PMFBP1: variants seen among roughly 807,000 people sequenced by gnomAD.
The protein encoded by PMFBP1 is polyamine-modulated factor 1-binding protein 1.
A neutral mutation model predicts 137.8 loss-of-function variants in PMFBP1; 131 were observed. The ratio of observed to expected loss-of-function variants is 0.95; its 90% CI spans 0.82 to 1.10. The LOEUF (loss-of-function observed/expected upper bound fraction) is 1.10. Ranked by LOEUF, PMFBP1 falls within the 50% of genes least tolerant of loss-of-function variation. PMFBP1 has a pLI of 0.00. For missense variants in PMFBP1, 1,199 were observed against 1,175.4 expected (o/e 1.02, Z -0.29); for synonymous variants, 490 against 450.4 (o/e 1.09, Z -1.11).
At position 72,153,957 on chromosome 16, in the gene PMFBP1, CACACAT is replaced by C. The variant is rs766436676; in HGVS notation, c.414+248_414+253del. 3.1e-4 allele frequency among the ~76,000 whole-genome samples: 43 copies of C among 137,758 alleles called. No homozygotes were observed. In the East Asian group the frequency reaches 3.4e-3, roughly 11 times the overall value. The allele number at this position is 137,758 out of a possible 152,430, so 90.4% of individuals were successfully genotyped here. A position where few individuals can be genotyped will look rare whatever the true frequency, so the allele number is the denominator to read the frequency against. On this transcript the variant is annotated intron_variant, in intron 4 of 20. Coordinates refer to ENST00000237353, the MANE Select transcript of PMFBP1 (RefSeq NM_031293.3). ...ACACACACACACACACACACACACA[CACACAT>C]GCCTGCACACACACTCCACATATTC...
chr16:72,154,887 G>C (rs1193652648), intron 3 of PMFBP1, among the ~76,000 whole-genome samples: 2 of 152,156 alleles, frequency 1.3e-5, no homozygotes, highest in African/African-American at 4.8e-5. Flanking sequence ...GCATTGCAAT[G>C]AGTCAAGGGT....
At chr16:72,147,576 C>T (rs953103841) in intron 5 of PMFBP1, among the ~76,000 whole-genome samples, 13 of 152,028 alleles carry the variant, frequency 8.6e-5, no homozygotes, top group East Asian at 7.7e-4. Flanking sequence ...CTATCAGAGG[C>T]GTGAACAGGC....
rs140858241 is a variant in PMFBP1, at chr16:72,162,101, T to A, written c.165+2663A>T. 3.1e-3 allele frequency among the ~76,000 whole-genome samples: 479 copies of A among 152,334 alleles called. 3 individuals carry two copies. Among genetic ancestry groups the A allele is most frequent in the Middle Eastern group, 0.01 (3 of 294 alleles). ...CCTTTCTTTTCTGGTTTGATCATTTTATTATGATGTCTCTGTTGTTCTTTT... is the reference window on the plus strand; with the variant it reads ...CCTTTCTTTTCTGGTTTGATCATTTAATTATGATGTCTCTGTTGTTCTTTT... On this transcript the variant is annotated intron_variant, in intron 3 of 20. Transcript: ENST00000237353.
the PMFBP1 span, among the ~76,000 whole-genome samples, chr16:72,183,426 G>C: frequency 6.6e-6 from 1 of 152,270 alleles, no homozygotes; most frequent in South Asian, 2.1e-4. Flanking sequence ...CTGGCAGTTT[G>C]CTGGCCACCT....
intron 5 of PMFBP1, among the ~76,000 whole-genome samples, chr16:72,148,930 T>C (rs1260092983): frequency 6.6e-6 from 1 of 152,208 alleles, no homozygotes; most frequent in Non-Finnish European, 1.5e-5. Context: ...GATGATGACA[T>C]GGAGGCTTAA....
At chr16:72,120,649 T>C (rs2042364657) in intron 19 of PMFBP1, among the ~76,000 whole-genome samples, 1 of 152,184 alleles carries the variant, frequency 6.6e-6, no homozygotes. Flanking sequence ...GGCTGCCACG[T>C]AGAGGAGAGG....
At chr16:72,197,152 G>T in the PMFBP1 span, among the ~76,000 whole-genome samples, 1 of 152,180 alleles carries the variant, frequency 6.6e-6, no homozygotes, top group African/African-American at 2.4e-5. Context: ...TGCAAAAGAA[G>T]ATCATGGAGA....
chr16:72,172,984 G>A (rs145064656), upstream of PMFBP1, among the ~76,000 whole-genome samples: 64 of 152,260 alleles, frequency 4.2e-4, no homozygotes, highest in Admixed American at 2.0e-4. Context: ...CTGTACTGGC[G>A]AACTCACAAA....
At chr16:72,199,303 A>G in the PMFBP1 span, among the ~76,000 whole-genome samples, 1 of 152,174 alleles carries the variant, frequency 6.6e-6, no homozygotes, top group Non-Finnish European at 1.5e-5. Flanking sequence ...AGCTAAAGTG[A>G]AGACAATGCA....
At chr16:72,215,150 C>T in the PMFBP1 span, among the ~76,000 whole-genome samples, 106 of 152,158 alleles carry the variant, frequency 7.0e-4, no homozygotes, top group African/African-American at 2.4e-3. Flanking sequence ...CAATGCATGT[C>T]TAACAGAAAT....
chr16:72,157,761 A>G (rs2043004350), intron 3 of PMFBP1, among the ~76,000 whole-genome samples: 1 of 152,206 alleles, frequency 6.6e-6, no homozygotes, highest in African/African-American at 2.4e-5. Context: ...GCAGGCAAAG[A>G]CAGAAAGACC....
At chr16:72,162,679 A>G (rs2043082210) in intron 3 of PMFBP1, among the ~76,000 whole-genome samples, 4 of 152,224 alleles carry the variant, frequency 2.6e-5, no homozygotes, top group Non-Finnish European at 4.4e-5. Context: ...GGGAAAAAAG[A>G]GCTCGCTTTA....
the PMFBP1 span, among the ~76,000 whole-genome samples, chr16:72,228,467 C>T: frequency 1.3e-5 from 2 of 152,174 alleles, no homozygotes; most frequent in Admixed American, 6.5e-5. Flanking sequence ...GAAGCCATCC[C>T]TGCTCCAGCC....
At chr16:72,202,203 C>T in the PMFBP1 span, among the ~76,000 whole-genome samples, 1 of 152,288 alleles carries the variant, frequency 6.6e-6, no homozygotes, top group East Asian at 1.9e-4. Context: ...TTTAGACACT[C>T]CTCAGTGTCT....
the PMFBP1 span, among the ~76,000 whole-genome samples, chr16:72,213,222 G>T: frequency 1.3e-5 from 2 of 152,044 alleles, no homozygotes; most frequent in African/African-American, 2.4e-5. Flanking sequence ...AAAGGGTGTG[G>T]TAGGCATTGT....
At chr16:72,182,186 G>A in the PMFBP1 span, among the ~76,000 whole-genome samples, 17 of 152,270 alleles carry the variant, frequency 1.1e-4, no homozygotes, top group Admixed American at 9.2e-4. Flanking sequence ...AGGTATTCTA[G>A]AAGAGAGGTG....
At chr16:72,246,262 C>G in the PMFBP1 span, among the ~76,000 whole-genome samples, 3 of 152,142 alleles carry the variant, frequency 2.0e-5, no homozygotes, top group Non-Finnish European at 4.4e-5. Context: ...GTTCTAAGCT[C>G]AAAGAGGCCT....
intron 3 of PMFBP1, among the ~76,000 whole-genome samples, chr16:72,162,420 G>A (rs751013500): frequency 6.6e-6 from 1 of 152,186 alleles, no homozygotes; most frequent in Non-Finnish European, 1.5e-5. Context: ...ATACATAACA[G>A]CTAATGTAAC....
At chr16:72,213,110 TG>T in the PMFBP1 span, among the ~76,000 whole-genome samples, 1 of 148,054 alleles carries the variant, frequency 6.8e-6, no homozygotes, top group Non-Finnish European at 1.5e-5. Context: ...AAGGAGACCA[TG>T]GGGTCCAGGA....
Sources: allele counts gnomAD v4.1 joint callset (sites outside exome capture counted in the v4.1 genomes callset), GRCh38; gene constraint gnomAD v4.1.1; transcripts MANE v1.5; gene names NCBI Gene and HGNC (gene_info 2026-07-23, HGNC 2026-07-21).